CNST: variants seen among roughly 807,000 people sequenced by gnomAD.
CNST encodes consortin.
CNST carries 39 observed loss-of-function variants against 72.4 expected under a neutral mutation model. The ratio of observed to expected loss-of-function variants is 0.54; its 90% CI spans 0.42 to 0.70. The LOEUF (loss-of-function observed/expected upper bound fraction) is 0.70, where lower values mean the gene tolerates loss of function less well. Among genes scored for constraint, CNST ranks in the 30% least tolerant of loss-of-function variants. The probability of loss-of-function intolerance (pLI) is 0.00; values close to 1 mark genes in which losing one functional copy is unlikely to be tolerated. For synonymous variants in CNST, 332 were observed against 320.1 expected (o/e 1.04, Z -0.40); for missense variants, 871 against 868.5 (o/e 1.00, Z -0.04).
At chr1:246,582,922 A>G (rs1484494254) in intron 1 of CNST, among the ~76,000 whole-genome samples, 2 of 152,180 alleles carry the variant, frequency 1.3e-5, no homozygotes, top group East Asian at 3.9e-4. Flanking sequence ...AGCTCAGCAG[A>G]TTGAAGGTGC....
intron 1 of CNST, chr1:246,566,873 T>C: frequency 2.6e-6 from 1 of 386,686 alleles, no homozygotes; most frequent in Non-Finnish European, 4.6e-6. Context: ...GTGGGTCTCC[T>C]ATTGCTGCGC....
intron 9 of CNST, among the ~76,000 whole-genome samples, chr1:246,651,055 T>A (rs1666420157): frequency 6.6e-6 from 1 of 152,126 alleles, no homozygotes; most frequent in African/African-American, 2.4e-5. Context: ...GAGGATACAA[T>A]GAGAAATCAG....
In CNST at chr1:246,667,486, G is replaced by T. The variant is rs931366638; in HGVS notation, c.*1581G>T. On this transcript the variant is annotated 3_prime_UTR_variant, in exon 11 of 11. Coordinates refer to ENST00000366513, the MANE Select transcript of CNST (RefSeq NM_152609.3). ...TTTCACTTATAATACTGTTTGACTTGTCTCTATCATGTCACCATAAACTGT... is the reference window on the plus strand; with the variant it reads ...TTTCACTTATAATACTGTTTGACTTTTCTCTATCATGTCACCATAAACTGT... The T allele has an allele frequency of 2.0e-5, 3 of 151,946 alleles. No homozygotes were observed. The highest frequency in any genetic ancestry group is 7.3e-5 in the African/African-American group (3 of 41,340). The allele number at this position is 151,946 out of a possible 1,614,324, so 9.4% of individuals were successfully genotyped here. A position where few individuals can be genotyped will look rare whatever the true frequency, so the allele number is the denominator to read the frequency against.
chr1:246,572,744 A>G (rs1440750842), intron 1 of CNST, among the ~76,000 whole-genome samples: 3 of 152,124 alleles, frequency 2.0e-5, no homozygotes, highest in Admixed American at 6.5e-5. Context: ...TTTTAGAAAA[A>G]TAGAAGCAGG....
At chr1:246,659,742 CTAAA>C (rs949144312) in intron 9 of CNST, among the ~76,000 whole-genome samples, 2 of 152,140 alleles carry the variant, frequency 1.3e-5, no homozygotes, top group African/African-American at 2.4e-5. Flanking sequence ...AGCTTGGTAT[CTAAA>C]TATATTTTAA....
At chr1:246,592,239 CA>C (rs1243407511) in intron 2 of CNST, among the ~76,000 whole-genome samples, 5 of 152,132 alleles carry the variant, frequency 3.3e-5, no homozygotes, top group African/African-American at 1.2e-4. Flanking sequence ...CTGTAATTAG[CA>C]CTTTGGGAGG....
chr1:246,641,923 T>C lies in CNST; in HGVS notation c.841-18T>C, dbSNP rs1399424351. On this transcript the variant is annotated intron_variant, in intron 7 of 10. Coordinates refer to ENST00000366513, the MANE Select transcript of CNST (RefSeq NM_152609.3). ...CAGTTTCCCCAAAAGTTGGGTTTTC[T>C]TGTTTTAAACTTTTTAGATAGCAGC... 2.5e-6 allele frequency: 4 copies of C among 1,587,460 alleles called. No individual in the cohort carries two copies. Among genetic ancestry groups the C allele is most frequent in the Non-Finnish European group, 3.4e-6 (4 of 1,164,506 alleles).
chr1:246,575,579 A>G (rs1237340679), intron 1 of CNST, among the ~76,000 whole-genome samples: 1 of 152,164 alleles, frequency 6.6e-6, no homozygotes, highest in Admixed American at 6.6e-5. Flanking sequence ...GTGGGGGTGC[A>G]GGAGAATGGG....
intron 6 of CNST, 133 bp from the exon 7 acceptor site, chr1:246,641,616 T>C (rs1374890295): frequency 4.8e-6 from 3 of 619,202 alleles, no homozygotes; most frequent in Middle Eastern, 2.6e-4. Flanking sequence ...GTTTCAGCCG[T>C]GGAAATGTTC....
intron 1 of CNST, among the ~76,000 whole-genome samples, chr1:246,581,792 G>A (rs12143655): frequency 0.16 from 24,465 of 152,126 alleles, 2,247 homozygotes; most frequent in Admixed American, 0.21. Flanking sequence ...CCAGCAGCCC[G>A]TTAGTACTTG....
At chr1:246,664,072 C>A (rs1007744786) in intron 10 of CNST, among the ~76,000 whole-genome samples, 1 of 152,266 alleles carries the variant, frequency 6.6e-6, no homozygotes, top group South Asian at 2.1e-4. Flanking sequence ...TGAAAAAAAT[C>A]AGTTTAATAA....
Position 246,582,354 on chromosome 1 carries a change from T to A in CNST, c.-51-9158T>A, listed in dbSNP as rs556267011. ...CTGCAAACTGTGAACTCCACCTCCATGCTTTTTTTTTTTTTTGAGGTGGAG... is the reference window on the plus strand; with the variant it reads ...CTGCAAACTGTGAACTCCACCTCCAAGCTTTTTTTTTTTTTTGAGGTGGAG... On this transcript the variant is annotated intron_variant, in intron 1 of 10. Coordinates refer to ENST00000366513, the MANE Select transcript of CNST (RefSeq NM_152609.3). Among the ~76,000 whole-genome samples the A allele has an allele frequency of 2.8e-3, 370 of 133,588 alleles. 7 individuals are homozygous for A. The highest frequency in any genetic ancestry group is 4.6e-3 in the Non-Finnish European group (289 of 62,304). 87.6% of individuals were successfully genotyped at this position (133,588 alleles called of 152,430 possible).
At chr1:246,650,608 A>C (rs768517074) in intron 9 of CNST, among the ~76,000 whole-genome samples, 5 of 152,062 alleles carry the variant, frequency 3.3e-5, no homozygotes, top group Non-Finnish European at 7.4e-5. Flanking sequence ...TTTGCTTATA[A>C]GTGCAAACTT....
chr1:246,652,785 A>G (rs1236904327), intron 9 of CNST, among the ~76,000 whole-genome samples: 1 of 151,274 alleles, frequency 6.6e-6, no homozygotes, highest in East Asian at 1.9e-4. Flanking sequence ...CGGGCGGATC[A>G]CGAGGTCAGG....
intron 2 of CNST, among the ~76,000 whole-genome samples, chr1:246,614,319 G>A (rs959508513): frequency 6.6e-6 from 1 of 152,002 alleles, no homozygotes; most frequent in Non-Finnish European, 1.5e-5. Context: ...CATGAAGTTA[G>A]GTATAGAATT....
At chr1:246,651,074 G>C (rs3124086) in intron 9 of CNST, among the ~76,000 whole-genome samples, 139,535 of 152,182 alleles carry the variant, frequency 0.92, 63,970 homozygotes, top group South Asian at 0.94. Context: ...AGATGATGTT[G>C]TTGGCCTTTT....
At chr1:246,616,394 C>G (rs933436969) in intron 2 of CNST, among the ~76,000 whole-genome samples, 8 of 151,990 alleles carry the variant, frequency 5.3e-5, no homozygotes, top group Non-Finnish European at 8.8e-5. Flanking sequence ...ACTGCCCCCC[C>G]AGAAAATTTA....
intron 1 of CNST, among the ~76,000 whole-genome samples, chr1:246,589,254 A>G (rs1661384209): frequency 1.4e-5 from 2 of 145,906 alleles, no homozygotes; most frequent in African/African-American, 2.5e-5. Flanking sequence ...TCCTAATGCT[A>G]TCCCTCCCCC....
chr1:246,659,690 G>A (rs1305651820), intron 9 of CNST, among the ~76,000 whole-genome samples: 2 of 152,092 alleles, frequency 1.3e-5, no homozygotes, highest in African/African-American at 2.4e-5. Flanking sequence ...TAGTAAATGC[G>A]TAGTTTCTCA....
Sources: allele counts gnomAD v4.1 joint callset (sites outside exome capture counted in the v4.1 genomes callset), GRCh38; gene constraint gnomAD v4.1.1; transcripts MANE v1.5; gene names NCBI Gene and HGNC (gene_info 2026-07-23, HGNC 2026-07-21).